PACSIN2: variants seen among roughly 807,000 people sequenced by gnomAD.
The protein encoded by PACSIN2 is protein kinase C and casein kinase substrate in neurons 2.
A neutral mutation model predicts 63.8 loss-of-function variants in PACSIN2; 25 were observed. The ratio of observed to expected loss-of-function variants is 0.39; its 90% CI spans 0.29 to 0.55. The LOEUF is 0.55. Ranked by LOEUF, PACSIN2 falls within the 20% of genes least tolerant of loss-of-function variation. The pLI, the probability that PACSIN2 is intolerant of heterozygous loss-of-function variation, is 0.62. For synonymous variants in PACSIN2, 255 were observed against 256.2 expected, an observed-to-expected ratio of 1.00 and a Z score of 0.05; for missense variants, 518 against 646.9, an observed-to-expected ratio of 0.80 and a Z score of 2.16.
chr22:42,883,844 A>C (rs1164821823), intron 6 of PACSIN2, among the ~76,000 whole-genome samples: 1 of 152,116 alleles, frequency 6.6e-6, no homozygotes, highest in African/African-American at 2.4e-5. Context: ...TCTCTACTAA[A>C]AATACAGAAA....
intron 1 of PACSIN2, among the ~76,000 whole-genome samples, chr22:42,973,266 C>T (rs781435301): frequency 1.9e-4 from 29 of 152,196 alleles, no homozygotes; most frequent in Non-Finnish European, 3.7e-4. Flanking sequence ...ATTTCCAGAA[C>T]AGAAGGTTCA....
At chr22:42,916,965 C>T (rs1931851984) in intron 1 of PACSIN2, among the ~76,000 whole-genome samples, 1 of 152,156 alleles carries the variant, frequency 6.6e-6, no homozygotes, top group Admixed American at 6.5e-5. Flanking sequence ...GGGATAAGCA[C>T]TTTTGGTGAC....
chr22:42,912,212 C>T, intron 1 of PACSIN2, 55 bp from the exon 2 acceptor site: 1 of 610,230 alleles, frequency 1.6e-6, no homozygotes, highest in Non-Finnish European at 2.8e-6. Context: ...GGTAAAGAAA[C>T]AAGTCATCTC....
chr22:42,879,059 A>T lies in PACSIN2; in HGVS notation c.1017T>A (p.Ser339Arg). 6.2e-7 allele frequency: 1 copy of T among 1,613,748 alleles called. No individual in the cohort carries two copies. Residue 339 changes from serine to arginine, a missense_variant, in exon 8 of 11, where the codon AGT (serine) becomes AGA (arginine). Physicochemically the swap from Ser to Arg is moderately radical, Grantham distance 110. Around this residue, in one of 2 missense-constraint regions of PACSIN2, gnomAD observed 507 missense variants for 612.3 expected, o/e 0.83. Transcript: ENST00000263246. ...TGGCGCCCACTCACCTGCTGGGCTT[A>T]CTCGGCAGAGACTGGTCGCCTGTCT... is the stretch of plus-strand genomic sequence containing the variant. ...INQTGDQSLP[S>R]KPSSTLNVPS...
At chr22:42,953,799 C>T (rs1933801483) in intron 1 of PACSIN2, among the ~76,000 whole-genome samples, 1 of 152,154 alleles carries the variant, frequency 6.6e-6, no homozygotes, top group African/African-American at 2.4e-5. Flanking sequence ...GATGTCTCGA[C>T]ACACGATAAA....
intron 5 of PACSIN2, among the ~76,000 whole-genome samples, chr22:42,887,329 G>A (rs996640112): frequency 8.5e-5 from 13 of 152,318 alleles, no homozygotes; most frequent in Admixed American, 8.5e-4. Flanking sequence ...GCATATGTAT[G>A]GGCTTGAGGT....
intron 1 of PACSIN2, among the ~76,000 whole-genome samples, chr22:42,948,814 A>C (rs188460994): frequency 6.6e-6 from 1 of 152,368 alleles, no homozygotes; most frequent in Admixed American, 6.5e-5. Context: ...ATATGGAGCC[A>C]GTTTCGTGTG....
At chr22:42,983,766 T>C (rs1463217072) in intron 1 of PACSIN2, among the ~76,000 whole-genome samples, 1 of 151,882 alleles carries the variant, frequency 6.6e-6, no homozygotes, top group Non-Finnish European at 1.5e-5. Flanking sequence ...CTATCATTTT[T>C]TTTACATCCC....
intron 1 of PACSIN2, among the ~76,000 whole-genome samples, chr22:42,926,654 G>A (rs1221038015): frequency 6.8e-6 from 1 of 146,044 alleles, no homozygotes; most frequent in East Asian, 2.2e-4. Flanking sequence ...GACAGACCAA[G>A]CCCTCTTCTT....
chr22:42,888,673 T>C lies in PACSIN2; in HGVS notation c.579A>G (p.Lys193=), dbSNP rs768083869. The C allele has an allele frequency of 3.1e-6, 5 of 1,614,098 alleles. No individual in the cohort carries two copies. Among genetic ancestry groups the C allele is most frequent in the African/African-American group, 1.3e-5 (1 of 74,938 alleles). The change falls in exon 5 of 11, where the codon AAA becomes AAG. Residue 193 remains lysine (K), a synonymous_variant. Coordinates refer to ENST00000263246, the MANE Select transcript of PACSIN2 (RefSeq NM_001184970.3). ...NPEQLKKLQD[K]IEKCKQDVLK... is the part of the protein sequence containing the mutation. ...GAACATCTTGCTTGCACTTTTCTATTTTGTCTTGCAATTTCTTGAGCTGTT... is the reference window on the plus strand; with the variant it reads ...GAACATCTTGCTTGCACTTTTCTATCTTGTCTTGCAATTTCTTGAGCTGTT...
chr22:42,902,990 C>T (rs1930804698), intron 2 of PACSIN2, among the ~76,000 whole-genome samples: 2 of 152,198 alleles, frequency 1.3e-5, no homozygotes, highest in South Asian at 4.1e-4. Context: ...CTTAGCACGT[C>T]ATCAGCCAGT....
At chr22:42,872,619 G>A (rs542820529) in intron 10 of PACSIN2, among the ~76,000 whole-genome samples, 7 of 152,356 alleles carry the variant, frequency 4.6e-5, no homozygotes, top group Admixed American at 2.0e-4. Context: ...GACTGCCTGG[G>A]CTCAAATCCC....
intron 1 of PACSIN2, among the ~76,000 whole-genome samples, chr22:43,007,558 C>T (rs1460016711): frequency 6.6e-6 from 1 of 152,158 alleles, no homozygotes; most frequent in Non-Finnish European, 1.5e-5. Context: ...CCAGAATGGT[C>T]CTTCACGTCA....
At chr22:42,887,290 G>A (rs1014366216) in intron 5 of PACSIN2, among the ~76,000 whole-genome samples, 5 of 151,728 alleles carry the variant, frequency 3.3e-5, no homozygotes, top group African/African-American at 1.2e-4. Context: ...TACACCGACG[G>A]CATAGCAGTG....
At position 42,971,287 on chromosome 22, in the gene PACSIN2, G is replaced by C. The variant is rs570680892; in HGVS notation, c.-78+43734C>G. Among the ~76,000 whole-genome samples the C allele has an allele frequency of 2.4e-4, 37 of 152,252 alleles. No homozygotes were observed. In the East Asian group the frequency reaches 6.8e-3, roughly 28 times the overall value. On this transcript the variant is annotated intron_variant, in intron 1 of 10. Coordinates refer to ENST00000263246, the MANE Select transcript of PACSIN2 (RefSeq NM_001184970.3). ...TTTTTGGTGGAGACGGGGTTTCGCC[G>C]TGTTGGCCGGGCTGGTCTCCAGCTC...
chr22:42,978,088 CTCAT>C (rs146854280), intron 1 of PACSIN2, among the ~76,000 whole-genome samples: 6 of 152,220 alleles, frequency 3.9e-5, no homozygotes, highest in Non-Finnish European at 8.8e-5. Flanking sequence ...CACTCACTGG[CTCAT>C]TCATTCATTC....
At chr22:42,879,003 C>T in intron 8 of PACSIN2, 45 bp downstream of exon 8, 1 of 1,590,388 alleles carries the variant, frequency 6.3e-7, no homozygotes, top group Non-Finnish European at 8.6e-7. Flanking sequence ...CCCAGGGCCC[C>T]CACCATGGAA....
rs200348918 is a variant in PACSIN2 at position 42,982,887 on chromosome 22, A to AAAAAAAAAAAAAAAAAAAAAAC, written c.-78+32133_-78+32134insGTTTTTTTTTTTTTTTTTTTTT. On this transcript the variant is annotated intron_variant, in intron 1 of 10. Coordinates refer to ENST00000263246, the MANE Select transcript of PACSIN2 (RefSeq NM_001184970.3). ...TGATCAATAAAAAAAAAAAAAAAAA[A>AAAAAAAAAAAAAAAAAAAAAAC]AAACAACAACAAGGCTAGGAGCAGT... Among the ~76,000 whole-genome samples, 20 of 129,562 alleles carry AAAAAAAAAAAAAAAAAAAAAAC rather than the reference A, an allele frequency of 1.5e-4. 2 individuals carry two copies. The highest frequency in any genetic ancestry group is 2.9e-4 in the Non-Finnish European group (17 of 58,770). 85.0% of individuals were successfully genotyped at this position (129,562 alleles called of 152,430 possible).
At chr22:42,928,879 A>G (rs920346672) in intron 1 of PACSIN2, among the ~76,000 whole-genome samples, 3 of 152,240 alleles carry the variant, frequency 2.0e-5, no homozygotes, top group African/African-American at 7.2e-5. Flanking sequence ...ATTTGCCATT[A>G]AACAGCAATG....
Sources: gnomAD v4.1 joint callset for allele counts (sites outside exome capture counted in the v4.1 genomes callset) on GRCh38, gnomAD v4.1.1 for gene constraint, gnomAD v4.1.1 regional missense constraint, MANE v1.5 for transcripts, NCBI Gene and HGNC (gene_info 2026-07-23, HGNC 2026-07-21) for gene names.